The following CHRDL1 variants were observed in gnomAD, a reference collection of about 807,000 sequenced individuals.
CHRDL1 encodes chordin like 1, also known as chordin-like protein 1.
In CHRDL1, 19 loss-of-function variants were observed where a neutral mutation model predicts 40.9. The ratio of observed to expected loss-of-function variants is 0.46; its 90% CI spans 0.32 to 0.68. The LOEUF is 0.68. Among genes scored for constraint, CHRDL1 ranks in the 30% least tolerant of loss-of-function variants. The pLI is 0.03. For missense variants in CHRDL1, 329 were observed against 352.1 expected, an observed-to-expected ratio of 0.93 and a Z score of 0.53; for synonymous variants, 136 against 123.4, an observed-to-expected ratio of 1.10 and a Z score of -0.68.
chrX:110,722,416 G>A (rs770812701), intron 4 of CHRDL1, among the ~76,000 whole-genome samples: 6 of 107,667 alleles, frequency 5.6e-5, no homozygotes, highest in African/African-American at 2.0e-4. Context: ...ACCCATTGAG[G>A]TCCTATCTGA....
intron 9 of CHRDL1, among the ~76,000 whole-genome samples, chrX:110,686,537 C>T (rs909411665): frequency 1.8e-5 from 2 of 111,492 alleles, no homozygotes; most frequent in Admixed American, 1.9e-4. Context: ...CTATGTGATA[C>T]TAAAAGGTTT....
chrX:110,752,865 G>C lies in CHRDL1; in HGVS notation c.301+6796C>G, dbSNP rs762243718. On this transcript the variant is annotated intron_variant, in intron 4 of 11. Transcript: ENST00000372042. The stretch of plus-strand genomic sequence containing the variant: ...ATAGAATTCAGAAGAGAATAGAAGA[G>C]AGAAGAGAGCAATGGAGATCAGATA... Among the ~76,000 whole-genome samples, 5 of 111,260 alleles carry C rather than the reference G, an allele frequency of 4.5e-5. No individual in the cohort carries two copies. In the East Asian group the frequency reaches 1.4e-3, roughly 31 times the overall value.
intron 4 of CHRDL1, among the ~76,000 whole-genome samples, chrX:110,733,924 T>A (rs1476899522): frequency 1.8e-5 from 1 of 54,586 alleles, no homozygotes; most frequent in Admixed American, 2.7e-4. Flanking sequence ...AGAGCAAAAC[T>A]CTGTCTCAAA....
chrX:110,766,972 T>C (rs927388137), intron 2 of CHRDL1, among the ~76,000 whole-genome samples: 12 of 111,919 alleles, frequency 1.1e-4, no homozygotes, highest in Non-Finnish European at 2.3e-4. Context: ...TCCAACAACC[T>C]ATCAAAAAGA....
chrX:110,677,398 C>A (rs2069801112), intron 11 of CHRDL1, among the ~76,000 whole-genome samples: 2 of 111,620 alleles, frequency 1.8e-5, no homozygotes, highest in African/African-American at 6.5e-5. Context: ...GTTTGTTCTT[C>A]TTTGCTCCTA....
Position 110,694,266 on chromosome X carries a change from G to A in CHRDL1, c.675C>T (p.Arg225=). 8.3e-7 allele frequency: 1 copy of A among 1,209,561 alleles called. No homozygotes were observed. The highest frequency in any genetic ancestry group is 1.1e-6 in the Non-Finnish European group (1 of 893,248). ...CCCGGTGACTTCTGGCCCCAGGAAA[G>A]CGGGACAGACCTCCAGCCTGTCGGC... The part of the protein sequence containing the change: ...PPSRQAGGLS[R]FPGARSHRGA... Residue 225 remains arginine (R), a synonymous_variant, in exon 8 of 12, where the codon CGC becomes CGT. Transcript: ENST00000372042.
rs765565150 is a variant in CHRDL1 at position 110,751,313 on chromosome X, C to T, written c.301+8348G>A. On this transcript the variant is annotated intron_variant, in intron 4 of 11. Transcript: ENST00000372042. ...ACCAATAGCTTATTGCTATAACATA[C>T]ATTGCTCCTAGAAATTGAATGGCAA... 1.9e-3 allele frequency among the ~76,000 whole-genome samples: 216 copies of T among 112,202 alleles called. 1 individual carries two copies. The highest frequency in any genetic ancestry group is 6.8e-3 in the African/African-American group (211 of 30,894).
At chrX:110,714,219 A>T (rs779902885) in intron 6 of CHRDL1, among the ~76,000 whole-genome samples, 1 of 110,285 alleles carries the variant, frequency 9.1e-6, no homozygotes, top group Non-Finnish European at 1.9e-5. Context: ...TGTGTTCGTA[A>T]GTTCTCATCA....
At chrX:110,785,427 T>C (rs2090003751) in intron 2 of CHRDL1, among the ~76,000 whole-genome samples, 1 of 111,364 alleles carries the variant, frequency 9.0e-6, no homozygotes, top group Non-Finnish European at 1.9e-5. Flanking sequence ...GGTGGGAGGG[T>C]AGAAGAAGTA....
intron 4 of CHRDL1, among the ~76,000 whole-genome samples, chrX:110,739,223 A>G (rs1341136940): frequency 8.9e-6 from 1 of 111,964 alleles, no homozygotes; most frequent in Middle Eastern, 4.6e-3. Context: ...ACTCAGTCAG[A>G]CTGAACCCTT....
Position 110,762,823 on chromosome X carries a change from T to C in CHRDL1, c.95-16A>G, listed in dbSNP as rs752238640. The C allele has an allele frequency of 3.4e-6, 3 of 889,311 alleles. No individual in the cohort carries two copies. The highest frequency in any genetic ancestry group is 5.0e-6 in the Non-Finnish European group (3 of 603,902). The allele number at this position is 889,311 out of a possible 1,213,427, so 73.3% of individuals were successfully genotyped here. A position where few individuals can be genotyped will look rare whatever the true frequency, so the allele number is the denominator to read the frequency against. On this transcript the variant is annotated splice_polypyrimidine_tract_variant and intron_variant, in intron 2 of 11. Transcript: ENST00000372042. ...GTCTCTGAATCTGTGAAGAAGGAGA[T>C]GGAGAATATGCCTGTTAGGAAACAT... is the stretch of plus-strand genomic sequence containing the variant.
intron 5 of CHRDL1, among the ~76,000 whole-genome samples, chrX:110,720,657 G>T (rs762576458): frequency 4.5e-5 from 5 of 111,731 alleles, no homozygotes; most frequent in African/African-American, 6.5e-5. Context: ...AAAGGGAAGA[G>T]ATTCTATAGC....
At chrX:110,780,444 A>T (rs2089922192) in intron 2 of CHRDL1, among the ~76,000 whole-genome samples, 1 of 111,676 alleles carries the variant, frequency 9.0e-6, no homozygotes, top group African/African-American at 3.2e-5. Flanking sequence ...CCTCATGACT[A>T]ATTACATAGT....
chrX:110,789,808 G>T (rs1384797580), intron 2 of CHRDL1, among the ~76,000 whole-genome samples: 1 of 111,923 alleles, frequency 8.9e-6, no homozygotes, highest in African/African-American at 3.2e-5. Flanking sequence ...AGGGACACAT[G>T]TTCCATATGA....
intron 2 of CHRDL1, among the ~76,000 whole-genome samples, chrX:110,785,272 G>C (rs2090000398): frequency 9.0e-6 from 1 of 111,608 alleles, no homozygotes; most frequent in East Asian, 2.8e-4. Flanking sequence ...GTGCATTTTA[G>C]AGACTCCAAT....
rs113897964 is a variant in CHRDL1, at chrX:110,726,136, A to G, written c.302-4606T>C. 7.6e-3 allele frequency among the ~76,000 whole-genome samples: 845 copies of G among 111,282 alleles called. 4 individuals are homozygous for G. The highest frequency in any genetic ancestry group is 0.026 in the African/African-American group (803 of 30,620). On this transcript the variant is annotated intron_variant, in intron 4 of 11. Coordinates refer to ENST00000372042, the MANE Select transcript of CHRDL1 (RefSeq NM_001143981.2). ...GTTTCTATGTGCGTATCTCACAGTG[A>G]TGCAAGAGAAGATAACTGAGCCTGG... is the stretch of plus-strand genomic sequence containing the variant.
chrX:110,775,712 C>T (rs1446868714), intron 2 of CHRDL1, among the ~76,000 whole-genome samples: 2 of 110,921 alleles, frequency 1.8e-5, no homozygotes, highest in African/African-American at 6.5e-5. Flanking sequence ...TTTAAAGTGA[C>T]TATTGATTTG....
chrX:110,794,751 CAT>C (rs1332029446), intron 1 of CHRDL1, among the ~76,000 whole-genome samples: 3 of 112,457 alleles, frequency 2.7e-5, no homozygotes, highest in South Asian at 7.4e-4. Flanking sequence ...GGGATGAACA[CAT>C]GTCAGCCAGT....
chrX:110,754,673 T>C (rs999095451), intron 4 of CHRDL1, among the ~76,000 whole-genome samples: 5 of 111,646 alleles, frequency 4.5e-5, no homozygotes, highest in Non-Finnish European at 9.4e-5. Context: ...TTAAAACCAT[T>C]CATAGTGCCA....
Sources: gnomAD v4.1 joint callset for allele counts (sites outside exome capture counted in the v4.1 genomes callset) on GRCh38, gnomAD v4.1.1 for gene constraint, MANE v1.5 for transcripts, NCBI Gene and HGNC (gene_info 2026-07-23, HGNC 2026-07-21) for gene names.